Variants in TSGA10 observed in about 807,000 individuals in gnomAD.
TSGA10 encodes the protein testis-specific gene 10 protein.
A neutral mutation model predicts 96.6 loss-of-function variants in TSGA10; 43 were observed. That is an observed-to-expected ratio of 0.44 (90% CI 0.35 to 0.57). The LOEUF (loss-of-function observed/expected upper bound fraction) is 0.57. TSGA10 is among the 20% of genes least tolerant of loss of function. The pLI, the probability that TSGA10 is intolerant of heterozygous loss-of-function variation, is 0.01. For missense variants in TSGA10, 703 were observed against 834.4 expected (o/e 0.84, Z 1.94); for synonymous variants, 229 against 269.9 (o/e 0.85, Z 1.48).
intron 16 of TSGA10, among the ~76,000 whole-genome samples, chr2:99,050,862 G>C (rs955727516): frequency 1.3e-5 from 2 of 151,998 alleles, no homozygotes; most frequent in African/African-American, 4.8e-5. Context: ...CACACATGAT[G>C]GTGGGCCCAT....
intron 10 of TSGA10, among the ~76,000 whole-genome samples, chr2:99,091,651 C>G (rs1436110114): frequency 6.6e-6 from 1 of 152,024 alleles, no homozygotes; most frequent in African/African-American, 2.4e-5. Context: ...GCAAGAGTAG[C>G]TATTCTTATA....
intron 17 of TSGA10, among the ~76,000 whole-genome samples, chr2:99,030,321 T>G (rs1283296006): frequency 4.6e-5 from 7 of 151,866 alleles, no homozygotes; most frequent in African/African-American, 1.2e-4. Flanking sequence ...TACTCCAGCC[T>G]GGGGGACAGA....
intron 10 of TSGA10, chr2:99,102,181 C>A: frequency 6.4e-7 from 1 of 1,559,988 alleles, no homozygotes; most frequent in Non-Finnish European, 8.8e-7. Context: ...AAATATGAAG[C>A]TATTCAGTTA....
At chr2:99,114,027 A>AT (rs2092034928) in intron 4 of TSGA10, among the ~76,000 whole-genome samples, 1 of 152,204 alleles carries the variant, frequency 6.6e-6, no homozygotes, top group Non-Finnish European at 1.5e-5. Flanking sequence ...TAATGAAGTA[A>AT]ATCATGGAAG....
At chr2:99,113,149 G>A (rs1371896583) in intron 4 of TSGA10, among the ~76,000 whole-genome samples, 2 of 152,004 alleles carry the variant, frequency 1.3e-5, no homozygotes, top group Admixed American at 1.3e-4. Context: ...GAGAATAAAC[G>A]AAGGCATATA....
intron 17 of TSGA10, 110 bp from the exon 18 acceptor site, chr2:99,020,592 T>C (rs1288434241): frequency 8.5e-6 from 6 of 701,876 alleles, no homozygotes; most frequent in South Asian, 4.0e-5. Context: ...GGCAACTACT[T>C]TTAATGTGAT....
At position 99,055,402 on chromosome 2, in the gene TSGA10, T is replaced by C. The variant is rs201832479; in HGVS notation, c.1404+9537A>G. On this transcript the variant is annotated intron_variant, in intron 16 of 20. Coordinates refer to ENST00000393483, the MANE Select transcript of TSGA10 (RefSeq NM_025244.4). The stretch of plus-strand genomic sequence containing the variant: ...TTCAGTTAGACAGAAAGAATAAGTT[T>C]TGGGGACAATAGTTAATAATAATGT... 5.5e-4 allele frequency among the ~76,000 whole-genome samples: 84 copies of C among 152,112 alleles called. No homozygotes were observed. The East Asian group carries it at 0.011, about 20-fold the overall frequency.
chr2:99,006,590 A>G (rs1227992941), intron 20 of TSGA10, among the ~76,000 whole-genome samples: 6 of 152,218 alleles, frequency 3.9e-5, no homozygotes, highest in South Asian at 2.1e-4. Flanking sequence ...CAAAACCACA[A>G]TGAGATACCA....
chr2:99,016,949 G>A (rs1301418308), intron 20 of TSGA10, among the ~76,000 whole-genome samples: 1 of 152,072 alleles, frequency 6.6e-6, no homozygotes, highest in Non-Finnish European at 1.5e-5. Flanking sequence ...ACCACAATGA[G>A]ATACCTACCT....
chr2:99,011,501 T>C (rs1196851084), intron 20 of TSGA10, among the ~76,000 whole-genome samples: 1 of 152,008 alleles, frequency 6.6e-6, no homozygotes, highest in East Asian at 1.9e-4. Flanking sequence ...GAACAAATCC[T>C]CCAAGAAATT....
Position 98,998,019 on chromosome 2 carries a change from A to T in TSGA10, c.*178T>A. The T allele has an allele frequency of 1.8e-6, 1 of 568,714 alleles. No individual in the cohort carries two copies. The allele number at this position is 568,714 out of a possible 1,614,324, so 35.2% of individuals were successfully genotyped here. On this transcript the variant is annotated 3_prime_UTR_variant, in exon 21 of 21. Transcript: ENST00000393483. ...GAGCCATATACATTTTTGTTTTTAT[A>T]AGTCATCTCAGATCACTGCAACATG...
chr2:99,049,155 T>C (rs2083121671), intron 16 of TSGA10, among the ~76,000 whole-genome samples: 2 of 152,206 alleles, frequency 1.3e-5, no homozygotes, highest in African/African-American at 4.8e-5. Context: ...GTTTAACCAT[T>C]GTGGAAGACA....
At chr2:99,102,240 G>A in intron 10 of TSGA10, 1 of 1,612,154 alleles carries the variant, frequency 6.2e-7, no homozygotes, top group South Asian at 1.1e-5. Flanking sequence ...CCAGAAGTTA[G>A]TACCTGGTGG....
intron 17 of TSGA10, among the ~76,000 whole-genome samples, chr2:99,026,883 G>C (rs965080975): frequency 2.6e-5 from 4 of 152,332 alleles, no homozygotes; most frequent in Admixed American, 2.6e-4. Context: ...ACCAGGAACT[G>C]GTTTCATGGA....
intron 17 of TSGA10, among the ~76,000 whole-genome samples, chr2:99,024,887 T>C (rs2080417941): frequency 6.6e-6 from 1 of 152,226 alleles, no homozygotes; most frequent in Admixed American, 6.5e-5. Context: ...TCTGCATCCA[T>C]TGAGAAGGCT....
chr2:99,041,924 C>G (rs1227749443), intron 16 of TSGA10, among the ~76,000 whole-genome samples: 2 of 151,936 alleles, frequency 1.3e-5, no homozygotes, highest in African/African-American at 4.8e-5. Context: ...AATGACGCAT[C>G]CAATAAAATA....
rs772092641 is a variant in TSGA10 at position 99,079,861 on chromosome 2, AC to A, written c.728-1049del. On this transcript the variant is annotated intron_variant, in intron 11 of 20. Coordinates refer to ENST00000393483, the MANE Select transcript of TSGA10 (RefSeq NM_025244.4). The stretch of plus-strand genomic sequence containing the variant: ...CAGGAGCAGTGCTATGGGAGATAAT[AC>A]CATATTGTCATATGCCAAAAGCTTG... Among the ~76,000 whole-genome samples, 53 of 152,176 alleles carry A rather than the reference AC, an allele frequency of 3.5e-4. 1 individual carries two copies. The highest frequency in any genetic ancestry group is 6.8e-4 in the Non-Finnish European group (46 of 68,026).
At chr2:99,036,049 G>A (rs903024377) in intron 16 of TSGA10, among the ~76,000 whole-genome samples, 4 of 151,992 alleles carry the variant, frequency 2.6e-5, no homozygotes, top group African/African-American at 4.8e-5. Flanking sequence ...AAATGCTTTC[G>A]AATGTTCAAG....
At chr2:99,112,341 C>T (rs372440964) in intron 4 of TSGA10, among the ~76,000 whole-genome samples, 141 of 152,264 alleles carry the variant, frequency 9.3e-4, no homozygotes, top group African/African-American at 3.2e-3. Flanking sequence ...ACAAGGAGCG[C>T]TCACGTTCTA....
Sources: allele counts gnomAD v4.1 joint callset (sites outside exome capture counted in the v4.1 genomes callset), GRCh38; gene constraint gnomAD v4.1.1; transcripts MANE v1.5; gene names NCBI Gene and HGNC (gene_info 2026-07-23, HGNC 2026-07-21).